Variants in DKK3 observed in about 807,000 individuals in gnomAD.
DKK3 encodes the protein dickkopf Wnt signaling pathway inhibitor 3.
In DKK3, 22 loss-of-function variants were observed where a neutral mutation model predicts 33.2. That is an observed-to-expected ratio of 0.66 (90% CI 0.47 to 0.95). The LOEUF is 0.95. DKK3 is among the 40% of genes least tolerant of loss of function. The pLI is 0.00. For missense variants in DKK3, 398 were observed against 458.4 expected (o/e 0.87, Z 1.20); for synonymous variants, 194 against 188.8 (o/e 1.03, Z -0.23).
intron 1 of DKK3, among the ~76,000 whole-genome samples, chr11:12,002,810 TG>T (rs770212131): frequency 6.6e-4 from 100 of 152,300 alleles, no homozygotes; most frequent in Non-Finnish European, 1.2e-3. Context: ...GCCCATCTCC[TG>T]GTGGCCTAAT....
chr11:11,998,775 G>T lies in DKK3; in HGVS notation c.356C>A (p.Thr119Asn), dbSNP rs749731521. The change falls in exon 3 of 7, where the codon ACC (threonine) becomes AAC (asparagine). Residue 119 changes from threonine (T) to asparagine (N), a missense_variant. Transcript: ENST00000683431. ...IHVHREIHKI[T>N]NNQTGQMVFS... ...GACCATTTGTCCAGTCTGGTTGTTG[G>T]TTATCTACAGTAAAACAGGTACAAT... is the stretch of plus-strand genomic sequence containing the variant. The T allele has an allele frequency of 6.2e-7, 1 of 1,612,698 alleles. No individual in the cohort carries two copies. The highest frequency in any genetic ancestry group is 8.5e-7 in the Non-Finnish European group (1 of 1,178,788).
At chr11:11,987,017 C>T (rs370049194) in intron 3 of DKK3, among the ~76,000 whole-genome samples, 6 of 152,104 alleles carry the variant, frequency 3.9e-5, no homozygotes, top group African/African-American at 1.4e-4. Context: ...GTTTCTATTC[C>T]CCAATTTGCA....
intron 3 of DKK3, among the ~76,000 whole-genome samples, chr11:11,989,115 C>T (rs1470195415): frequency 3.3e-5 from 5 of 152,134 alleles, no homozygotes; most frequent in African/African-American, 7.2e-5. Flanking sequence ...TGCAAAATGG[C>T]GCAGCCACTA....
At chr11:11,970,357 T>A (rs995513944) in intron 3 of DKK3, among the ~76,000 whole-genome samples, 14 of 152,204 alleles carry the variant, frequency 9.2e-5, no homozygotes, top group African/African-American at 3.1e-4. Context: ...GAAATTTGCC[T>A]CTTCAAATAG....
intron 4 of DKK3, among the ~76,000 whole-genome samples, chr11:11,967,966 A>G (rs1337270157): frequency 6.6e-6 from 1 of 152,074 alleles, no homozygotes; most frequent in Admixed American, 6.5e-5. Flanking sequence ...CTGTTTGTCT[A>G]TTAGGATGGG....
chr11:12,009,546 C>T (rs1339527036), upstream of DKK3: 3 of 974,906 alleles, frequency 3.1e-6, no homozygotes, highest in Non-Finnish European at 3.7e-6. Context: ...CCTGCCCCTG[C>T]GCCCGCGGCA....
chr11:11,964,203 C>A lies in DKK3; in HGVS notation c.*261G>T. 1 of 491,138 alleles carries A rather than the reference C, an allele frequency of 2.0e-6. No individual in the cohort carries two copies. The allele number at this position is 491,138 out of a possible 1,614,324, so 30.4% of individuals were successfully genotyped here. A position where few individuals can be genotyped will look rare whatever the true frequency, so the allele number is the denominator to read the frequency against. On this transcript the variant is annotated 3_prime_UTR_variant, in exon 7 of 7. Coordinates refer to ENST00000683431, the MANE Select transcript of DKK3 (RefSeq NM_001018057.2). The stretch of plus-strand genomic sequence containing the variant: ...TGTCTGCCAACTGGTAGAGGCAAAG[C>A]AGCCAATAATCTGGACAGGGGTGGC...
chr11:11,964,717 A>C (rs1194087389), intron 6 of DKK3, 31 bp from the exon 7 acceptor site: 2 of 1,599,952 alleles, frequency 1.3e-6, no homozygotes, highest in African/African-American at 1.3e-5. Context: ...GCCAGGCTCT[A>C]AACGTGGGAG....
chr11:12,002,602 G>A (rs1044716826), intron 1 of DKK3, among the ~76,000 whole-genome samples, 165 bp from the exon 2 acceptor site: 2 of 152,044 alleles, frequency 1.3e-5, no homozygotes, highest in South Asian at 2.1e-4. Flanking sequence ...TATACTAAAC[G>A]TTTTACATAT....
intron 3 of DKK3, among the ~76,000 whole-genome samples, chr11:11,969,553 A>C (rs975536929): frequency 6.6e-6 from 1 of 152,120 alleles, no homozygotes; most frequent in Non-Finnish European, 1.5e-5. Context: ...TCAGGGCTCC[A>C]CATGTAGCAG....
chr11:12,000,432 C>T (rs1284014558), intron 2 of DKK3, among the ~76,000 whole-genome samples: 1 of 151,996 alleles, frequency 6.6e-6, no homozygotes, highest in African/African-American at 2.4e-5. Context: ...GTCTCGAGCT[C>T]CTGATCTCAG....
In DKK3 at chr11:11,964,150, A is replaced by G. The variant is rs1847522753; in HGVS notation, c.*314T>C. 3.0e-5 allele frequency: 10 copies of G among 332,482 alleles called. No individual in the cohort carries two copies. In the South Asian group the frequency reaches 6.5e-4, roughly 21 times the overall value. The allele number at this position is 332,482 out of a possible 1,614,324, so 20.6% of individuals were successfully genotyped here. ...TGTTTCCATCTCCTCCCCTCAAACA[A>G]TTATCAAAGCCATGTAGAACAAACG... is the stretch of plus-strand genomic sequence containing the variant. On this transcript the variant is annotated 3_prime_UTR_variant, in exon 7 of 7. Transcript: ENST00000683431.
chr11:11,990,324 T>C (rs1044978972), intron 3 of DKK3, among the ~76,000 whole-genome samples: 2 of 152,252 alleles, frequency 1.3e-5, no homozygotes, highest in African/African-American at 4.8e-5. Flanking sequence ...TTATCTGTCC[T>C]GTCTACTGGC....
intron 4 of DKK3, 83 bp from the exon 5 acceptor site, chr11:11,967,181 T>C (rs1040308727): frequency 6.0e-6 from 9 of 1,498,302 alleles, no homozygotes; most frequent in Middle Eastern, 2.4e-4. Context: ...ATACCACAGA[T>C]AGGCCAACCT....
At chr11:11,975,359 C>T (rs888292332) in intron 3 of DKK3, among the ~76,000 whole-genome samples, 1 of 152,214 alleles carries the variant, frequency 6.6e-6, no homozygotes, top group Admixed American at 6.5e-5. Context: ...AACAGCGTCT[C>T]TTGGCTGAGC....
intron 3 of DKK3, among the ~76,000 whole-genome samples, chr11:11,988,291 G>C (rs1209130061): frequency 6.6e-6 from 1 of 152,210 alleles, no homozygotes; most frequent in Non-Finnish European, 1.5e-5. Context: ...CCCATAGTCT[G>C]CTGGGGATGT....
chr11:11,976,903 C>A (rs747761967), intron 3 of DKK3, among the ~76,000 whole-genome samples: 1 of 152,148 alleles, frequency 6.6e-6, no homozygotes, highest in South Asian at 2.1e-4. Context: ...CGCAGCAGGG[C>A]GCCTCCAGTC....
intron 4 of DKK3, 68 bp downstream of exon 4, chr11:11,968,327 C>A: frequency 6.8e-7 from 1 of 1,479,256 alleles, no homozygotes; most frequent in South Asian, 1.3e-5. Flanking sequence ...AACGCTGGGG[C>A]CCCTGGCTTT....
At chr11:11,973,692 A>G (rs1847773478) in intron 3 of DKK3, among the ~76,000 whole-genome samples, 1 of 152,232 alleles carries the variant, frequency 6.6e-6, no homozygotes, top group Admixed American at 6.5e-5. Flanking sequence ...CTGACCGGGA[A>G]CACAGCATAG....
Sources: allele counts gnomAD v4.1 joint callset (sites outside exome capture counted in the v4.1 genomes callset), GRCh38; gene constraint gnomAD v4.1.1; transcripts MANE v1.5; gene names NCBI Gene and HGNC (gene_info 2026-07-23, HGNC 2026-07-21).